The following EFR3B variants were observed in gnomAD, a reference collection of about 807,000 sequenced individuals.
EFR3B encodes the protein EFR3 homolog B.
EFR3B carries 64 observed loss-of-function variants against 104.7 expected under a neutral mutation model. The observed-to-expected ratio is 0.61, with a 90% confidence interval of 0.50 to 0.75. The LOEUF (loss-of-function observed/expected upper bound fraction) is 0.75, where lower values mean the gene tolerates loss of function less well. Ranked by LOEUF, EFR3B falls within the 30% of genes least tolerant of loss-of-function variation. EFR3B has a pLI of 0.00. For missense variants in EFR3B, 750 were observed against 1,078.5 expected, an observed-to-expected ratio of 0.70 and a Z score of 4.27; for synonymous variants, 385 against 417.9, an observed-to-expected ratio of 0.92 and a Z score of 0.96.
In EFR3B at chr2:25,131,353, A is replaced by G. The variant is rs1268707254; in HGVS notation, c.850-15A>G. 2 of 1,549,176 alleles carry G rather than the reference A, an allele frequency of 1.3e-6. No homozygotes were observed. The highest frequency in any genetic ancestry group is 1.4e-5 in the African/African-American group (1 of 73,112). ...TGGGGTTGCTGTCCAGGCCCAGCTC[A>G]TCTTCCTCCCGCAGCCGCAGCACTC... On this transcript the variant is annotated splice_polypyrimidine_tract_variant and intron_variant, in intron 8 of 22. Transcript: ENST00000403714. This position sits in a 1 kb window ranked among gnomAD's most constrained non-coding sequence, Gnocchi z 7.6.
intron 1 of EFR3B, among the ~76,000 whole-genome samples, chr2:25,075,595 A>T (rs1219880019): frequency 6.6e-6 from 1 of 152,124 alleles, no homozygotes; most frequent in African/African-American, 2.4e-5. Context: ...TATGATCCTG[A>T]TTATATGTTC....
intron 18 of EFR3B, among the ~76,000 whole-genome samples, chr2:25,144,560 A>G (rs1052350923): frequency 3.3e-5 from 5 of 152,140 alleles, no homozygotes; most frequent in Non-Finnish European, 7.4e-5. Context: ...AAACAAAAAA[A>G]CAAAAACAAT....
intron 20 of EFR3B, among the ~76,000 whole-genome samples, chr2:25,150,413 G>A (rs1231921820): frequency 6.6e-6 from 1 of 152,024 alleles, no homozygotes; most frequent in Non-Finnish European, 1.5e-5. Context: ...GCTGGCCAAT[G>A]GAAGATATTA....
intron 1 of EFR3B, among the ~76,000 whole-genome samples, chr2:25,058,495 A>G (rs967462928): frequency 4.6e-5 from 7 of 152,204 alleles, no homozygotes; most frequent in Non-Finnish European, 7.3e-5. Context: ...ACAGTGGCTC[A>G]TGCCTGTAAT....
chr2:25,042,461 C>T lies in EFR3B; in HGVS notation c.7+142C>T. The T allele has an allele frequency of 1.7e-6, 2 of 1,209,536 alleles. No homozygotes were observed. The highest frequency in any genetic ancestry group is 2.1e-6 in the Non-Finnish European group (2 of 973,730). The allele number at this position is 1,209,536 out of a possible 1,614,324, so 74.9% of individuals were successfully genotyped here. ...GCCCGGCGGGGCTGTTGCGGTCGCT[C>T]TGTGCGCGCGCGTCTGCGCTGCGAG... On this transcript the variant is annotated intron_variant, in intron 1 of 22. Coordinates refer to ENST00000403714, the MANE Select transcript of EFR3B (RefSeq NM_014971.2). The surrounding 1 kb of genome is among the most constrained non-coding windows in gnomAD (Gnocchi z 5.4).
chr2:25,074,149 C>T (rs1319135817), intron 1 of EFR3B, among the ~76,000 whole-genome samples: 1 of 152,104 alleles, frequency 6.6e-6, no homozygotes, highest in African/African-American at 2.4e-5. Flanking sequence ...TGGTGTGGGG[C>T]TGGTTGGTCG....
intron 20 of EFR3B, among the ~76,000 whole-genome samples, chr2:25,150,400 C>CAA (rs1670970555): frequency 6.7e-6 from 1 of 150,326 alleles, no homozygotes; most frequent in African/African-American, 2.5e-5. Context: ...TACAAAAGAA[C>CAA]AAGCTGGCCA....
Position 25,042,279 on chromosome 2 carries a change from C to T in EFR3B, c.-34C>T. The T allele has an allele frequency of 7.6e-7, 1 of 1,310,124 alleles. No homozygotes were observed. Among genetic ancestry groups the T allele is most frequent in the South Asian group, 2.1e-5 (1 of 47,540 alleles). The allele number at this position is 1,310,124 out of a possible 1,614,324, so 81.2% of individuals were successfully genotyped here. On this transcript the variant is annotated 5_prime_UTR_variant, in exon 1 of 23. In the 5' UTR this introduces an upstream ATG that the reference lacks. Transcript: ENST00000403714. This position sits in a 1 kb window ranked among gnomAD's most constrained non-coding sequence, Gnocchi z 5.4. ...GGGCTGGCTGGGAACGCCGCAGCGA[C>T]GCCGGCCTCTCGAGAGGCGCGCGCC...
At chr2:25,095,347 T>C (rs1442444177) in intron 3 of EFR3B, among the ~76,000 whole-genome samples, 1 of 152,172 alleles carries the variant, frequency 6.6e-6, no homozygotes, top group Non-Finnish European at 1.5e-5. Flanking sequence ...GTATTTGCAA[T>C]CAAGTTAAAA....
intron 4 of EFR3B, among the ~76,000 whole-genome samples, chr2:25,104,963 G>A (rs959617909): frequency 6.6e-5 from 10 of 152,180 alleles, no homozygotes; most frequent in East Asian, 1.9e-4. Context: ...ATACTCCCAC[G>A]CCCTGGTTGT....
At chr2:25,080,281 AGCT>A in intron 1 of EFR3B, 2 of 412,570 alleles carry the variant, frequency 4.8e-6, no homozygotes, top group Non-Finnish European at 8.1e-6. Context: ...CCCTCCCCAA[AGCT>A]TTTTTTTTTT....
chr2:25,133,368 G>A lies in EFR3B; in HGVS notation c.1260-15G>A, dbSNP rs1223497884. On this transcript the variant is annotated splice_polypyrimidine_tract_variant and intron_variant, in intron 11 of 22. Transcript: ENST00000403714. The stretch of plus-strand genomic sequence containing the variant: ...TATTACCATCCTGGTGAGTGTTTGT[G>A]TCTCTGGTCTACAGGGAGAATAGGA... The A allele has an allele frequency of 6.4e-7, 1 of 1,552,344 alleles. No homozygotes were observed.
chr2:25,050,108 C>G (rs1430102580), intron 1 of EFR3B, among the ~76,000 whole-genome samples: 1 of 146,536 alleles, frequency 6.8e-6, no homozygotes. Flanking sequence ...CCAGCCTGGG[C>G]AACAAGAGTG....
chr2:25,101,948 G>T (rs1669442378), intron 3 of EFR3B, among the ~76,000 whole-genome samples: 1 of 152,194 alleles, frequency 6.6e-6, no homozygotes, highest in South Asian at 2.1e-4. Flanking sequence ...TCTTTAGAAT[G>T]TAAATGCTTT....
intron 6 of EFR3B, among the ~76,000 whole-genome samples, chr2:25,129,277 A>G (rs1190699984): frequency 2.1e-5 from 3 of 141,472 alleles, no homozygotes; most frequent in African/African-American, 5.2e-5. Flanking sequence ...TAGGCTAGTT[A>G]GGTCGGTTGA....
chr2:25,042,140 C>A lies in EFR3B; in HGVS notation c.-173C>A. The A allele has an allele frequency of 1.9e-6, 1 of 529,218 alleles. No individual in the cohort carries two copies. Among genetic ancestry groups the A allele is most frequent in the Non-Finnish European group, 2.8e-6 (1 of 363,352 alleles). The allele number at this position is 529,218 out of a possible 1,614,324, so 32.8% of individuals were successfully genotyped here. A position where few individuals can be genotyped will look rare whatever the true frequency, so the allele number is the denominator to read the frequency against. On this transcript the variant is annotated 5_prime_UTR_variant, in exon 1 of 23. Transcript: ENST00000403714. The surrounding 1 kb of genome is among the most constrained non-coding windows in gnomAD (Gnocchi z 5.4). ...CCCGGCGCTGAATGGGCTGGCGGCGCCCGGCTCCGTCCTGCCCGCGGCCGG... is the reference window on the plus strand; with the variant it reads ...CCCGGCGCTGAATGGGCTGGCGGCGACCGGCTCCGTCCTGCCCGCGGCCGG...
At position 25,137,272 on chromosome 2, in the gene EFR3B, T is replaced by C. The variant is rs1198992875; in HGVS notation, c.1561-69T>C. On this transcript the variant is annotated intron_variant, in intron 14 of 22. Coordinates refer to ENST00000403714, the MANE Select transcript of EFR3B (RefSeq NM_014971.2). The surrounding 1 kb of genome is among the most constrained non-coding windows in gnomAD (Gnocchi z 4.7). The stretch of plus-strand genomic sequence containing the variant: ...CTGCCCCCCTTCAGATTGGTCTTCC[T>C]CCGTGTTCTCCTTGCCCCTCCTGTC... 1 of 1,520,624 alleles carries C rather than the reference T, an allele frequency of 6.6e-7. No individual in the cohort carries two copies. The highest frequency in any genetic ancestry group is 8.9e-7 in the Non-Finnish European group (1 of 1,126,706). The allele number at this position is 1,520,624 out of a possible 1,614,324, so 94.2% of individuals were successfully genotyped here.
At chr2:25,062,611 T>C (rs1468603257) in intron 1 of EFR3B, among the ~76,000 whole-genome samples, 1 of 152,158 alleles carries the variant, frequency 6.6e-6, no homozygotes, top group Non-Finnish European at 1.5e-5. Context: ...AAAGGGCTCA[T>C]TGAGAACTGC....
At position 25,139,042 on chromosome 2, in the gene EFR3B, T is replaced by TG. The variant is rs1453199706; in HGVS notation, c.1723-16dup. 1 of 1,551,328 alleles carries TG rather than the reference T, an allele frequency of 6.4e-7. No homozygotes were observed. The highest frequency in any genetic ancestry group is 8.7e-7 in the Non-Finnish European group (1 of 1,146,876). On this transcript the variant is annotated splice_polypyrimidine_tract_variant and intron_variant, in intron 15 of 22. Transcript: ENST00000403714. ...TGTCAGTGAAAAACTCCGGAGGCCT[T>TG]GTCTATGTTGCCGCAGGACGTGGCC...
Sources: allele counts gnomAD v4.1 joint callset (sites outside exome capture counted in the v4.1 genomes callset), GRCh38; gene constraint gnomAD v4.1.1; non-coding constraint Gnocchi (gnomAD v3.1); transcripts MANE v1.5; gene names NCBI Gene and HGNC (gene_info 2026-07-23, HGNC 2026-07-21).